The following SUGCT variants were observed in gnomAD, a reference collection of about 807,000 sequenced individuals.
SUGCT encodes succinyl-CoA:glutarate-CoA transferase.
Under a neutral mutation model 55.0 loss-of-function variants are expected in SUGCT, and 41 were observed. The ratio of observed to expected loss-of-function variants is 0.74; its 90% CI spans 0.58 to 0.97. The LOEUF (loss-of-function observed/expected upper bound fraction) is 0.97. Ranked by LOEUF, SUGCT falls within the 50% of genes least tolerant of loss-of-function variation. The pLI, the probability that SUGCT is intolerant of heterozygous loss-of-function variation, is 0.00. For missense variants in SUGCT, 568 were observed against 547.8 expected (o/e 1.04, Z -0.37); for synonymous variants, 187 against 200.4 (o/e 0.93, Z 0.56).
intron 11 of SUGCT, among the ~76,000 whole-genome samples, chr7:40,491,379 GAAATGATGA>G (rs1226856912): frequency 6.6e-6 from 1 of 152,188 alleles, no homozygotes; most frequent in Non-Finnish European, 1.5e-5. Context: ...TAAGTTGTAA[GAAATGATGA>G]AAAGGAAGGA....
chr7:40,524,725 T>A (rs1793716206), intron 12 of SUGCT, among the ~76,000 whole-genome samples: 1 of 152,218 alleles, frequency 6.6e-6, no homozygotes, highest in South Asian at 2.1e-4. Context: ...TAGGATATTG[T>A]CACATTATTG....
intron 5 of SUGCT, among the ~76,000 whole-genome samples, chr7:40,194,157 A>G (rs770345055): frequency 5.9e-5 from 9 of 152,198 alleles, no homozygotes; most frequent in Non-Finnish European, 8.8e-5. Flanking sequence ...GGAAGAATGC[A>G]TCTGAAAGGT....
At chr7:40,382,722 C>G (rs909603139) in intron 9 of SUGCT, among the ~76,000 whole-genome samples, 1 of 152,070 alleles carries the variant, frequency 6.6e-6, no homozygotes, top group Non-Finnish European at 1.5e-5. Flanking sequence ...GTATTGCATA[C>G]TTATAAATAA....
the SUGCT span, among the ~76,000 whole-genome samples, chr7:40,951,367 T>C: frequency 6.6e-6 from 1 of 152,308 alleles, no homozygotes; most frequent in East Asian, 1.9e-4. Context: ...TTAGTCTTGC[T>C]AGCGTTCTAT....
intron 12 of SUGCT, among the ~76,000 whole-genome samples, chr7:40,545,217 T>C (rs1794926265): frequency 6.6e-6 from 1 of 152,198 alleles, no homozygotes; most frequent in Non-Finnish European, 1.5e-5. Context: ...CCTCAACTGA[T>C]AGCATGGACT....
At chr7:40,370,762 T>A (rs891682307) in intron 9 of SUGCT, among the ~76,000 whole-genome samples, 4 of 152,136 alleles carry the variant, frequency 2.6e-5, no homozygotes, top group Admixed American at 2.0e-4. Context: ...TCTAAATATT[T>A]CTATAATTTT....
intron 1 of SUGCT, among the ~76,000 whole-genome samples, chr7:40,146,252 G>C (rs1342503135): frequency 1.3e-5 from 2 of 152,172 alleles, no homozygotes; most frequent in Non-Finnish European, 2.9e-5. Context: ...ACTGGGTTAA[G>C]GATTTTTGAT....
intron 6 of SUGCT, among the ~76,000 whole-genome samples, chr7:40,225,495 G>GGCAT (rs1788286917): frequency 1.3e-5 from 2 of 150,270 alleles, no homozygotes; most frequent in African/African-American, 4.9e-5. Context: ...GTAGTACAGT[G>GGCAT]GCATGATCTT....
the SUGCT span, among the ~76,000 whole-genome samples, chr7:40,904,439 A>G: frequency 6.6e-6 from 1 of 152,196 alleles, no homozygotes; most frequent in Admixed American, 6.5e-5. Flanking sequence ...ATTAAATATT[A>G]GAATAATTAG....
intron 7 of SUGCT, among the ~76,000 whole-genome samples, chr7:40,266,610 A>G (rs1024909858): frequency 6.6e-6 from 1 of 152,176 alleles, no homozygotes; most frequent in African/African-American, 2.4e-5. Context: ...CAATTCTTTT[A>G]TCTAAACTGC....
chr7:40,450,773 C>CAA (rs57221158), intron 10 of SUGCT, among the ~76,000 whole-genome samples: 61 of 140,136 alleles, frequency 4.4e-4, no homozygotes, highest in East Asian at 1.5e-3. Flanking sequence ...GACTCTGTCT[C>CAA]AAAAAAAAAA....
chr7:40,273,220 G>C (rs1792219905), intron 7 of SUGCT, among the ~76,000 whole-genome samples: 2 of 152,066 alleles, frequency 1.3e-5, no homozygotes, highest in South Asian at 2.1e-4. Flanking sequence ...GTATTGAAAA[G>C]CAGGGAAAAA....
intron 8 of SUGCT, among the ~76,000 whole-genome samples, chr7:40,308,811 A>C (rs1286897951): frequency 6.6e-6 from 1 of 152,166 alleles, no homozygotes; most frequent in Non-Finnish European, 1.5e-5. Context: ...GGAGTTCGAG[A>C]CCAGCCTCGC....
intron 11 of SUGCT, among the ~76,000 whole-genome samples, chr7:40,466,060 A>T (rs866501121): frequency 2.6e-5 from 4 of 151,688 alleles, no homozygotes; most frequent in South Asian, 2.1e-4. Context: ...TTAAAATATA[A>T]TTTTTTTTAA....
At chr7:40,728,208 T>C (rs1281144004) in intron 12 of SUGCT, among the ~76,000 whole-genome samples, 1 of 152,218 alleles carries the variant, frequency 6.6e-6, no homozygotes, top group African/African-American at 2.4e-5. Flanking sequence ...CCTTGAAAGT[T>C]ATGTCCTTAT....
At chr7:40,639,288 G>A (rs1451254147) in intron 12 of SUGCT, among the ~76,000 whole-genome samples, 3 of 151,992 alleles carry the variant, frequency 2.0e-5, no homozygotes, top group African/African-American at 4.8e-5. Flanking sequence ...CCAGTATAGC[G>A]CCCAGCAAAA....
At chr7:40,551,992 T>C (rs1404428909) in intron 12 of SUGCT, among the ~76,000 whole-genome samples, 1 of 152,198 alleles carries the variant, frequency 6.6e-6, no homozygotes, top group African/African-American at 2.4e-5. Flanking sequence ...TGGAATGCTT[T>C]ATCAAACTTT....
the SUGCT span, among the ~76,000 whole-genome samples, chr7:40,911,784 A>G: frequency 6.6e-6 from 1 of 152,156 alleles, no homozygotes; most frequent in Non-Finnish European, 1.5e-5. Context: ...AACCATCGGT[A>G]TAAAGGAACC....
Position 40,515,743 on chromosome 7 carries a change from A to G in SUGCT, c.1089+19357A>G, listed in dbSNP as rs78869985. ...GTTATAGGCATTTGTATTGTATCCA[A>G]ATTTGGGCTACTATGAATAGTATGT... On this transcript the variant is annotated intron_variant, in intron 12 of 13. Coordinates refer to ENST00000335693, the MANE Select transcript of SUGCT (RefSeq NM_001193313.2). Among the ~76,000 whole-genome samples, 453 of 152,284 alleles carry G rather than the reference A, an allele frequency of 3.0e-3. 2 individuals carry two copies. Among genetic ancestry groups the G allele is most frequent in the African/African-American group, 1.0e-2 (415 of 41,562 alleles).
Sources: allele counts gnomAD v4.1 joint callset (sites outside exome capture counted in the v4.1 genomes callset), GRCh38; gene constraint gnomAD v4.1.1; transcripts MANE v1.5; gene names NCBI Gene and HGNC (gene_info 2026-07-23, HGNC 2026-07-21).